The following ZFHX3 variants were observed in gnomAD, a reference collection of about 807,000 sequenced individuals.
ZFHX3 encodes zinc finger homeobox protein 3.
In ZFHX3, 42 loss-of-function variants were observed where a neutral mutation model predicts 279.1. The observed-to-expected ratio is 0.15, with a 90% CI of 0.12 to 0.19. ZFHX3 has a LOEUF of 0.19. Ranked by LOEUF, ZFHX3 falls within the 10% of genes least tolerant of loss-of-function variation. ZFHX3 has a pLI of 1.00. For missense variants in ZFHX3, 4,981 were observed against 4,754.0 expected, an observed-to-expected ratio of 1.05 and a Z score of -1.40; for synonymous variants, 2,293 against 1,957.8, an observed-to-expected ratio of 1.17 and a Z score of -4.52.
intron 2 of ZFHX3, among the ~76,000 whole-genome samples, chr16:73,552,018 AGT>A (rs1198602016): frequency 2.0e-5 from 3 of 151,874 alleles, no homozygotes; most frequent in African/African-American, 7.3e-5. Context: ...TGAATGAGTG[AGT>A]GTGTGTGTGT....
intron 1 of ZFHX3, among the ~76,000 whole-genome samples, chr16:73,055,916 G>C (rs1159743068): frequency 6.6e-6 from 1 of 151,924 alleles, no homozygotes; most frequent in Non-Finnish European, 1.5e-5. Flanking sequence ...TGTTTAAAAA[G>C]TCCACAGATC....
chr16:73,230,794 T>C (rs2012748253), intron 5 of ZFHX3, among the ~76,000 whole-genome samples: 1 of 152,176 alleles, frequency 6.6e-6, no homozygotes, highest in Non-Finnish European at 1.5e-5. Context: ...ATTGGATTGC[T>C]AGAGCTAATC....
chr16:73,364,091 TG>T (rs1040084547), intron 3 of ZFHX3, among the ~76,000 whole-genome samples: 5 of 151,876 alleles, frequency 3.3e-5, no homozygotes, highest in African/African-American at 9.7e-5. Context: ...AAGAACTGCT[TG>T]AAACCAGGAG....
chr16:73,104,416 A>G lies in ZFHX3; in HGVS notation c.-896-10818T>C, dbSNP rs528778616. Reference sequence around the variant, plus strand: ...CAGCTAATTTTTGTATTTTTGGTAGAGACAGGGTTTCACCATGTTGCCCAG... The same window carrying G: ...CAGCTAATTTTTGTATTTTTGGTAGGGACAGGGTTTCACCATGTTGCCCAG... On this transcript the variant is annotated intron_variant, in intron 7 of 17. Coordinates refer to the ZFHX3 transcript ENST00000641206. Among the ~76,000 whole-genome samples, 3 of 152,102 alleles carry G rather than the reference A, an allele frequency of 2.0e-5. No homozygotes were observed. The South Asian group carries it at 6.2e-4, about 32-fold the overall frequency.
intron 7 of ZFHX3, among the ~76,000 whole-genome samples, chr16:73,118,362 C>A (rs1271342471): frequency 6.6e-6 from 1 of 152,124 alleles, no homozygotes; most frequent in African/African-American, 2.4e-5. Flanking sequence ...ATGTGTGCCA[C>A]CATGCCTGCC....
chr16:73,022,667 C>T (rs1663276534), intron 1 of ZFHX3, among the ~76,000 whole-genome samples: 1 of 152,140 alleles, frequency 6.6e-6, no homozygotes, highest in Non-Finnish European at 1.5e-5. Flanking sequence ...TGACGGCCCA[C>T]ATGCCACGAT....
At chr16:73,349,747 C>T (rs2016199567) in intron 3 of ZFHX3, among the ~76,000 whole-genome samples, 1 of 84,554 alleles carries the variant, frequency 1.2e-5, no homozygotes, top group African/African-American at 6.5e-5. Context: ...TCCTTCCCTC[C>T]CTCCCTCCCT....
chr16:73,114,165 C>G (rs896490641), intron 7 of ZFHX3, among the ~76,000 whole-genome samples: 1 of 151,474 alleles, frequency 6.6e-6, no homozygotes, highest in African/African-American at 2.4e-5. Flanking sequence ...GCTCAAGTGA[C>G]CCTCCCACTT....
Position 73,094,306 on chromosome 16 carries a change from C to T in ZFHX3, c.-896-708G>A, listed in dbSNP as rs372682354. ...AGATCTGAACAGTAAGAAGCCTTCTCTAAGAACCCCTACCCTGACTCCAGT... is the reference window on the plus strand; with the variant it reads ...AGATCTGAACAGTAAGAAGCCTTCTTTAAGAACCCCTACCCTGACTCCAGT... On this transcript the variant is annotated intron_variant, in intron 7 of 17. Transcript: ENST00000641206. Among the ~76,000 whole-genome samples the T allele has an allele frequency of 1.4e-4, 21 of 152,332 alleles. No homozygotes were observed. In the South Asian group the frequency reaches 4.1e-3, roughly 30 times the overall value.
At chr16:73,682,905 A>G (rs2053031014) in intron 1 of ZFHX3, among the ~76,000 whole-genome samples, 1 of 16,704 alleles carries the variant, frequency 6.0e-5, no homozygotes. Context: ...AAAGAAAGAA[A>G]GAGAAAGAAA....
At chr16:73,488,741 C>T (rs1437898552) in intron 2 of ZFHX3, among the ~76,000 whole-genome samples, 1 of 152,180 alleles carries the variant, frequency 6.6e-6, no homozygotes, top group Non-Finnish European at 1.5e-5. Context: ...CCAGACATTA[C>T]TTTTCTATTT....
chr16:73,141,663 G>A (rs978314613), intron 6 of ZFHX3, among the ~76,000 whole-genome samples: 6 of 152,126 alleles, frequency 3.9e-5, no homozygotes, highest in East Asian at 1.9e-4. Context: ...CTCCCAAAGC[G>A]TTGGGATTAC....
rs193168843 is a variant in ZFHX3 at position 73,022,060 on chromosome 16, G to A, written c.-50+25692C>T. ...ACTGCTCACCCCCTGCCCTCGTCCC[G>A]CCTCCTCTCCACAGCATTTAACATC... On this transcript the variant is annotated intron_variant, in intron 1 of 9. Coordinates refer to ENST00000268489, the MANE Select transcript of ZFHX3 (RefSeq NM_006885.4). Among the ~76,000 whole-genome samples the A allele has an allele frequency of 1.6e-3, 250 of 152,078 alleles. 4 individuals are homozygous for A. In the East Asian group the frequency reaches 0.04, roughly 24 times the overall value.
intron 2 of ZFHX3, among the ~76,000 whole-genome samples, chr16:73,511,263 C>T (rs1462483420): frequency 6.6e-6 from 1 of 152,244 alleles, no homozygotes; most frequent in Non-Finnish European, 1.5e-5. Flanking sequence ...ACAATCCACC[C>T]TGGCACTGGC....
At chr16:73,756,298 T>G (rs970223890) in intron 1 of ZFHX3, among the ~76,000 whole-genome samples, 9 of 152,164 alleles carry the variant, frequency 5.9e-5, no homozygotes, top group African/African-American at 2.2e-4. Context: ...GGGGTAGCAT[T>G]TTCTTCATCT....
chr16:73,383,341 A>G (rs1451777701), intron 3 of ZFHX3, among the ~76,000 whole-genome samples: 1 of 152,204 alleles, frequency 6.6e-6, no homozygotes, highest in Non-Finnish European at 1.5e-5. Context: ...TGCAAGGTTT[A>G]GGAAGCCCGA....
At chr16:73,265,078 C>CGTGCGTGTGT (rs1555507010) in intron 4 of ZFHX3, among the ~76,000 whole-genome samples, 1 of 145,928 alleles carries the variant, frequency 6.9e-6, no homozygotes, top group East Asian at 2.0e-4. Flanking sequence ...CGCATATATG[C>CGTGCGTGTGT]GTGTGTGTGT....
At chr16:72,843,532 A>G (rs936695660) in intron 4 of ZFHX3, among the ~76,000 whole-genome samples, 1 of 150,424 alleles carries the variant, frequency 6.6e-6, no homozygotes, top group African/African-American at 2.4e-5. Flanking sequence ...AAAAAAAAAA[A>G]AAAAAAAGCC....
intron 3 of ZFHX3, among the ~76,000 whole-genome samples, chr16:72,915,004 A>AAAC (rs1374678032): frequency 6.6e-6 from 1 of 152,176 alleles, no homozygotes; most frequent in Non-Finnish European, 1.5e-5. Flanking sequence ...GCAAACAAAC[A>AAAC]AACAACAACA....
Sources: allele counts gnomAD v4.1 joint callset (sites outside exome capture counted in the v4.1 genomes callset), GRCh38; gene constraint gnomAD v4.1.1; transcripts MANE v1.5; gene names NCBI Gene and HGNC (gene_info 2026-07-23, HGNC 2026-07-21).